The following PLPP4 variants were observed in gnomAD, a reference collection of about 807,000 sequenced individuals.
The protein encoded by PLPP4 is phospholipid phosphatase 4, also known as diacylglycerol pyrophosphate like 2.
In PLPP4, 20 loss-of-function variants were observed where a neutral mutation model predicts 32.2. That is an observed-to-expected ratio of 0.62 (90% CI 0.44 to 0.90). The LOEUF is 0.90. Ranked by LOEUF, PLPP4 falls within the 40% of genes least tolerant of loss-of-function variation. The pLI, the probability that PLPP4 is intolerant of heterozygous loss-of-function variation, is 0.00. For synonymous variants in PLPP4, 127 were observed against 133.0 expected (o/e 0.95, Z 0.31); for missense variants, 257 against 353.1 (o/e 0.73, Z 2.18).
chr10:120,521,457 C>CGT (rs1459644406), intron 5 of PLPP4, among the ~76,000 whole-genome samples: 1 of 152,060 alleles, frequency 6.6e-6, no homozygotes, highest in Non-Finnish European at 1.5e-5. Context: ...TCAGGTGTTG[C>CGT]GTGTGTGTGT....
chr10:120,562,485 T>C (rs1848480950), intron 5 of PLPP4, among the ~76,000 whole-genome samples: 1 of 152,210 alleles, frequency 6.6e-6, no homozygotes, highest in Non-Finnish European at 1.5e-5. Context: ...GAAGTGGGGA[T>C]AGCAAACATT....
At chr10:120,559,628 TTC>T (rs886604571) in intron 5 of PLPP4, among the ~76,000 whole-genome samples, 7 of 150,950 alleles carry the variant, frequency 4.6e-5, no homozygotes, top group South Asian at 4.2e-4. Flanking sequence ...GATTTTTTTT[TTC>T]AATGAATATA....
chr10:120,516,704 A>G (rs950379066), intron 3 of PLPP4, among the ~76,000 whole-genome samples: 1 of 152,210 alleles, frequency 6.6e-6, no homozygotes, highest in Non-Finnish European at 1.5e-5. Context: ...AAAAGAGAAC[A>G]GCCCTTATGA....
chr10:120,581,353 T>A, intron 6 of PLPP4: 1 of 958,436 alleles, frequency 1.0e-6, no homozygotes, highest in Non-Finnish European at 1.2e-6. Flanking sequence ...CCTCAGTTGT[T>A]GCCTGAATCA....
chr10:120,528,045 G>A (rs1230087039), intron 5 of PLPP4, among the ~76,000 whole-genome samples: 2 of 148,204 alleles, frequency 1.3e-5, no homozygotes, highest in Admixed American at 6.7e-5. Flanking sequence ...TGGTAGATGG[G>A]AAATTTGAAA....
intron 5 of PLPP4, among the ~76,000 whole-genome samples, chr10:120,561,874 G>A (rs933410646): frequency 2.6e-5 from 4 of 152,168 alleles, no homozygotes; most frequent in African/African-American, 9.7e-5. Context: ...AGGGTGCAAG[G>A]GAGTGTAATC....
intron 1 of PLPP4, among the ~76,000 whole-genome samples, chr10:120,499,592 A>G (rs372151210): frequency 1.4e-3 from 212 of 152,218 alleles, no homozygotes; most frequent in African/African-American, 4.8e-3. Context: ...ATCCCACATG[A>G]TGCTGCTGCC....
At chr10:120,506,832 T>C (rs1845513512) in intron 2 of PLPP4, among the ~76,000 whole-genome samples, 1 of 152,174 alleles carries the variant, frequency 6.6e-6, no homozygotes, top group Non-Finnish European at 1.5e-5. Context: ...ACTCTGAAAG[T>C]TGGGTGTAGT....
chr10:120,528,300 T>G (rs1375816567), intron 5 of PLPP4, among the ~76,000 whole-genome samples: 1 of 152,050 alleles, frequency 6.6e-6, no homozygotes. Context: ...GGTCTCCATC[T>G]CCTGACCTCG....
rs989553976 is a variant in PLPP4, at chr10:120,468,635, G to T, written c.56+11274G>T. On this transcript the variant is annotated intron_variant, in intron 1 of 6. Coordinates refer to ENST00000398250, the MANE Select transcript of PLPP4 (RefSeq NM_001030059.3). ...AAAAAAATCAATATAGATGTTTTCT[G>T]TTACAGAACAAAGGAGAGGCCAATG... Among the ~76,000 whole-genome samples the T allele has an allele frequency of 4.6e-5, 3 of 65,204 alleles. 1 individual carries two copies. The highest frequency in any genetic ancestry group is 9.8e-5 in the African/African-American group (3 of 30,622). The allele number at this position is 65,204 out of a possible 152,430, so 42.8% of individuals were successfully genotyped here.
chr10:120,561,921 C>G (rs1056535099), intron 5 of PLPP4, among the ~76,000 whole-genome samples: 2 of 152,210 alleles, frequency 1.3e-5, no homozygotes, highest in African/African-American at 4.8e-5. Context: ...TACCACATCT[C>G]TCCCATTGCT....
At chr10:120,552,168 GT>G (rs1847935510) in intron 5 of PLPP4, among the ~76,000 whole-genome samples, 14 of 40,382 alleles carry the variant, frequency 3.5e-4, no homozygotes, top group African/African-American at 6.7e-4. Context: ...GTGGTGGGGT[GT>G]GTGTGTGTGT....
intron 2 of PLPP4, among the ~76,000 whole-genome samples, chr10:120,505,382 A>G (rs556135519): frequency 6.6e-6 from 1 of 152,232 alleles, no homozygotes; most frequent in Non-Finnish European, 1.5e-5. Context: ...CCTCTTTGTT[A>G]TGGAACGATA....
rs1564803369 is a variant in PLPP4, at chr10:120,507,379, CATCATCATT to C, written c.165+3462_165+3470del. Among the ~76,000 whole-genome samples the C allele has an allele frequency of 4.4e-4, 52 of 118,712 alleles. No individual in the cohort carries two copies. In the South Asian group the frequency reaches 4.9e-3, roughly 11 times the overall value. The allele number at this position is 118,712 out of a possible 152,430, so 77.9% of individuals were successfully genotyped here. On this transcript the variant is annotated intron_variant, in intron 2 of 6. Coordinates refer to ENST00000398250, the MANE Select transcript of PLPP4 (RefSeq NM_001030059.3). The stretch of plus-strand genomic sequence containing the variant: ...TCATCATTATCATCATCATCATCAT[CATCATCATT>C]ATCATCATCATCATCAACAACAGTA...
intron 2 of PLPP4, among the ~76,000 whole-genome samples, chr10:120,508,220 A>G (rs1217238948): frequency 1.3e-5 from 2 of 152,208 alleles, no homozygotes; most frequent in Non-Finnish European, 2.9e-5. Flanking sequence ...AGGCTGGATC[A>G]TGATAGACAA....
intron 5 of PLPP4, among the ~76,000 whole-genome samples, chr10:120,531,909 TAC>T (rs1564820990): frequency 6.6e-6 from 1 of 151,522 alleles, no homozygotes; most frequent in Non-Finnish European, 1.5e-5. Context: ...TATATATATA[TAC>T]ACACATACAT....
intron 5 of PLPP4, among the ~76,000 whole-genome samples, chr10:120,574,286 T>A (rs533596964): frequency 6.6e-5 from 10 of 150,816 alleles, no homozygotes; most frequent in Admixed American, 5.9e-4. Context: ...CAGTATTTTT[T>A]AAAGCTTCCC....
chr10:120,552,332 T>C (rs1421660392), intron 5 of PLPP4, among the ~76,000 whole-genome samples: 1 of 152,184 alleles, frequency 6.6e-6, no homozygotes, highest in Non-Finnish European at 1.5e-5. Flanking sequence ...GGTATTTGGC[T>C]GCCTATAGTG....
chr10:120,574,482 T>C (rs1350337730), intron 5 of PLPP4, among the ~76,000 whole-genome samples: 6 of 152,196 alleles, frequency 3.9e-5, no homozygotes, highest in Admixed American at 3.3e-4. Flanking sequence ...ATGAGTTGTC[T>C]TTGCAATTCA....
Sources: gnomAD v4.1 joint callset for allele counts (sites outside exome capture counted in the v4.1 genomes callset) on GRCh38, gnomAD v4.1.1 for gene constraint, MANE v1.5 for transcripts, NCBI Gene and HGNC (gene_info 2026-07-23, HGNC 2026-07-21) for gene names.